The following RCOR3 variants were observed in gnomAD, a reference collection of about 807,000 sequenced individuals.
The protein encoded by RCOR3 is REST corepressor 3.
In RCOR3, 13 loss-of-function variants were observed where a neutral mutation model predicts 64.1. The ratio of observed to expected loss-of-function variants is 0.20; its 90% confidence interval spans 0.13 to 0.32. The LOEUF is 0.32. Among genes scored for constraint, RCOR3 ranks in the 10% least tolerant of loss-of-function variants. The pLI is 1.00. For missense variants in RCOR3, 489 were observed against 701.2 expected (o/e 0.70, Z 3.42); for synonymous variants, 215 against 239.0 (o/e 0.90, Z 0.93).
At chr1:211,271,131 A>C (rs1696126464) in intron 2 of RCOR3, 101 bp from the exon 3 acceptor site, 1 of 937,340 alleles carries the variant, frequency 1.1e-6, no homozygotes, top group East Asian at 2.6e-5. Flanking sequence ...TACTGGGATT[A>C]CAGGCATGAG....
intron 2 of RCOR3, among the ~76,000 whole-genome samples, chr1:211,264,569 C>T (rs1043759909): frequency 3.9e-5 from 6 of 152,084 alleles, no homozygotes; most frequent in African/African-American, 1.4e-4. Context: ...TCTGTACTTC[C>T]AGCTACTTAG....
intron 1 of RCOR3, 184 bp from the exon 2 acceptor site, chr1:211,259,924 G>GCCCCCCCCCCCCCCCC: frequency 2.2e-6 from 1 of 459,852 alleles, no homozygotes; most frequent in Non-Finnish European, 3.2e-6. Context: ...CTCCGCCTTT[G>GCCCCCCCCCCCCCCCC]CCCCCCCCCG....
chr1:211,303,864 TC>T, intron 9 of RCOR3: 1 of 384,318 alleles, frequency 2.6e-6, no homozygotes, highest in Non-Finnish European at 4.7e-6. Context: ...CGAATGTTGT[TC>T]CTTCTTGCAA....
At position 211,312,970 on chromosome 1, in the gene RCOR3, G is replaced by T; in HGVS notation, c.1317+9G>T. ...CTGATGAAGAAGAGGAGGTGTGTTT[G>T]TGTATGGAATTTGAGCTAATATGAG... On this transcript the variant is annotated intron_variant, in intron 11 of 11. Transcript: ENST00000419091. The surrounding 1 kb of genome is among the most constrained non-coding windows in gnomAD (Gnocchi z 5.0). 1 of 1,614,128 alleles carries T rather than the reference G, an allele frequency of 6.2e-7. No homozygotes were observed. The highest frequency in any genetic ancestry group is 8.5e-7 in the Non-Finnish European group (1 of 1,180,018).
In RCOR3 at chr1:211,313,379, T is replaced by G; in HGVS notation, c.1318-45T>G. ...CCAAACTATATTGTATTAAGTTCAT[T>G]AGGACTTACATCTCATACGTGTATT... On this transcript the variant is annotated intron_variant, in intron 11 of 11. Coordinates refer to ENST00000419091, the MANE Select transcript of RCOR3 (RefSeq NM_001136223.3). This position sits in a 1 kb window ranked among gnomAD's most constrained non-coding sequence, Gnocchi z 4.7. 1 of 1,568,966 alleles carries G rather than the reference T, an allele frequency of 6.4e-7. No individual in the cohort carries two copies. Among genetic ancestry groups the G allele is most frequent in the South Asian group, 1.2e-5 (1 of 83,974 alleles).
At chr1:211,287,931 C>T (rs966423451) in intron 7 of RCOR3, among the ~76,000 whole-genome samples, 8 of 151,706 alleles carry the variant, frequency 5.3e-5, no homozygotes, top group African/African-American at 1.5e-4. Flanking sequence ...AGTATTAGGC[C>T]GGGCGTGTTG....
intron 8 of RCOR3, chr1:211,291,680 G>T: frequency 2.4e-6 from 1 of 414,366 alleles, no homozygotes; most frequent in Non-Finnish European, 4.8e-6. Flanking sequence ...CCTTGGTCCT[G>T]GTTATTCACC....
At position 211,263,474 on chromosome 1, in the gene RCOR3, A is replaced by G. The variant is rs573309379; in HGVS notation, c.223+3310A>G. Among the ~76,000 whole-genome samples the G allele has an allele frequency of 3.3e-5, 5 of 152,344 alleles. No homozygotes were observed. The South Asian group carries it at 1.0e-3, about 32-fold the overall frequency. On this transcript the variant is annotated intron_variant, in intron 2 of 11. Transcript: ENST00000419091. ...TGAATTTTATTATTAGAATAAGGAT[A>G]AACATCACTTTCTGTAAGTTCACTT... is the stretch of plus-strand genomic sequence containing the variant.
intron 2 of RCOR3, among the ~76,000 whole-genome samples, chr1:211,266,674 G>C (rs1398355311): frequency 1.3e-5 from 2 of 152,120 alleles, no homozygotes; most frequent in African/African-American, 4.8e-5. Context: ...CTAAATATCA[G>C]ATAGTTTTGA....
At chr1:211,276,155 A>T (rs1165313117) in intron 4 of RCOR3, 102 bp from the exon 5 acceptor site, 5 of 1,113,226 alleles carry the variant, frequency 4.5e-6, no homozygotes, top group Non-Finnish European at 5.1e-6. Flanking sequence ...TCTTCAGTCG[A>T]AGTCATAGGC....
chr1:211,299,260 G>C (rs1700144005), intron 9 of RCOR3, among the ~76,000 whole-genome samples: 1 of 152,186 alleles, frequency 6.6e-6, no homozygotes, highest in Admixed American at 6.5e-5. Flanking sequence ...GAAGCAAGTA[G>C]TAAACCCAAA....
At chr1:211,287,012 A>G (rs1698636221) in intron 7 of RCOR3, among the ~76,000 whole-genome samples, 1 of 152,136 alleles carries the variant, frequency 6.6e-6, no homozygotes. Context: ...ATTGTTCTAG[A>G]GAGGATTTGC....
intron 9 of RCOR3, chr1:211,302,558 C>T (rs931321933): frequency 5.3e-5 from 8 of 152,042 alleles, no homozygotes; most frequent in African/African-American, 1.2e-4. Flanking sequence ...AGAAAAGATA[C>T]GCCAAAAAAT....
intron 7 of RCOR3, among the ~76,000 whole-genome samples, chr1:211,286,484 T>C (rs1403483845): frequency 1.3e-5 from 2 of 152,102 alleles, no homozygotes; most frequent in Admixed American, 1.3e-4. Flanking sequence ...ATTTTTCGTA[T>C]TTTTAATAGA....
rs967195419 is a variant in RCOR3, at chr1:211,259,581, A to G, written c.21A>G (p.Lys7=). MPGMME[K]GPELLGKNRS... is the part of the protein sequence containing the mutation. ...CTACCATGCCCGGCATGATGGAGAA[A>G]GGGCCCGAGTTACTGGGGAAGAACC... Residue 7 remains lysine (K), a synonymous_variant, in exon 1 of 12, where the codon AAA becomes AAG. Coordinates refer to ENST00000419091, the MANE Select transcript of RCOR3 (RefSeq NM_001136223.3). 1 of 1,547,206 alleles carries G rather than the reference A, an allele frequency of 6.5e-7. No homozygotes were observed. Among genetic ancestry groups the G allele is most frequent in the Admixed American group, 2.0e-5 (1 of 50,848 alleles).
intron 10 of RCOR3, among the ~76,000 whole-genome samples, chr1:211,306,125 T>C (rs1422198844): frequency 6.6e-6 from 1 of 152,184 alleles, no homozygotes. Context: ...TATAAGGCTA[T>C]TTGTGCCCTA....
chr1:211,295,820 C>A, intron 9 of RCOR3, 67 bp downstream of exon 9: 3 of 1,249,820 alleles, frequency 2.4e-6, no homozygotes, highest in East Asian at 2.4e-5. Context: ...ATCTAGTGCC[C>A]AAGTACTATT....
chr1:211,278,146 A>G lies in RCOR3; in HGVS notation c.546A>G (p.Val182=). The G allele has an allele frequency of 6.2e-7, 1 of 1,604,292 alleles. No homozygotes were observed. Among genetic ancestry groups the G allele is most frequent in the Non-Finnish European group, 8.5e-7 (1 of 1,177,116 alleles). ...MLPDKTIASL[V]KYYYSWKKTR... ...CAGATAAGACAATTGCAAGCCTTGT[A>G]AAATATTACTATTCTTGGAAAAAAA... Residue 182 remains valine, a synonymous_variant, in exon 6 of 12, where the codon GTA becomes GTG. Coordinates refer to ENST00000419091, the MANE Select transcript of RCOR3 (RefSeq NM_001136223.3).
chr1:211,273,117 A>T (rs1245415902), intron 3 of RCOR3, among the ~76,000 whole-genome samples: 1 of 152,234 alleles, frequency 6.6e-6, no homozygotes, highest in African/African-American at 2.4e-5. Flanking sequence ...GATAGCATAC[A>T]TTTAACAATT....
Sources: gnomAD v4.1 joint callset for allele counts (sites outside exome capture counted in the v4.1 genomes callset) on GRCh38, gnomAD v4.1.1 for gene constraint, Gnocchi (gnomAD v3.1) non-coding constraint, MANE v1.5 for transcripts, NCBI Gene and HGNC (gene_info 2026-07-23, HGNC 2026-07-21) for gene names.